Variants in FOXN3 observed in about 807,000 individuals in gnomAD.
The protein encoded by FOXN3 is forkhead box N3.
Under a neutral mutation model 38.4 loss-of-function variants are expected in FOXN3, and 7 were observed. The ratio of observed to expected loss-of-function variants is 0.18; its 90% CI spans 0.10 to 0.34. The LOEUF (loss-of-function observed/expected upper bound fraction) is 0.34. Among genes scored for constraint, FOXN3 ranks in the 10% least tolerant of loss-of-function variants. The pLI, the probability that FOXN3 is intolerant of heterozygous loss-of-function variation, is 1.00. For synonymous variants in FOXN3, 230 were observed against 242.2 expected, an observed-to-expected ratio of 0.95 and a Z score of 0.47; for missense variants, 456 against 613.4, an observed-to-expected ratio of 0.74 and a Z score of 2.71.
intron 2 of FOXN3, among the ~76,000 whole-genome samples, chr14:89,408,682 C>A (rs923078708): frequency 6.6e-6 from 1 of 151,484 alleles, no homozygotes; most frequent in Admixed American, 6.6e-5. Context: ...CAGGATTCCA[C>A]ATTTTCACTG....
chr14:89,298,473 A>T (rs1045725718), intron 3 of FOXN3, among the ~76,000 whole-genome samples: 2 of 54,960 alleles, frequency 3.6e-5, no homozygotes, highest in Non-Finnish European at 7.3e-5. Flanking sequence ...CCGTCTATTT[A>T]AAAAAAAAAA....
chr14:89,325,344 C>T (rs867432753), intron 3 of FOXN3, among the ~76,000 whole-genome samples: 3 of 140,746 alleles, frequency 2.1e-5, no homozygotes, highest in African/African-American at 8.9e-5. Context: ...CCACCACCAC[C>T]ACCACCACCA....
chr14:89,555,175 C>G (rs1232622588), intron 1 of FOXN3, among the ~76,000 whole-genome samples: 2 of 151,606 alleles, frequency 1.3e-5, no homozygotes, highest in Non-Finnish European at 2.9e-5. Flanking sequence ...ACTTAACATA[C>G]CTCAGAGATC....
At chr14:89,546,329 CTTTTTTTTTTT>C (rs1157998619) in intron 1 of FOXN3, among the ~76,000 whole-genome samples, 3 of 78,314 alleles carry the variant, frequency 3.8e-5, no homozygotes, top group African/African-American at 1.6e-4. Flanking sequence ...TTTCCTTTTT[CTTTTTTTTTTT>C]TTTTTTTTGA....
rs936956693 is a variant in FOXN3, at chr14:89,163,864, T to A, written c.852-895A>T. On this transcript the variant is annotated intron_variant, in intron 5 of 5. Coordinates refer to ENST00000557258, the MANE Select transcript of FOXN3 (RefSeq NM_005197.4). The surrounding 1 kb of genome is among the most constrained non-coding windows in gnomAD (Gnocchi z 4.3). ...CAAAGTCTGACTCTCAGACTTGAGG[T>A]CTTAGCTACATCACCAGACCGACCC... 3.9e-5 allele frequency among the ~76,000 whole-genome samples: 6 copies of A among 152,170 alleles called. No individual in the cohort carries two copies. The highest frequency in any genetic ancestry group is 1.2e-4 in the African/African-American group (5 of 41,432).
intron 1 of FOXN3, among the ~76,000 whole-genome samples, chr14:89,588,306 A>G (rs1244197627): frequency 6.6e-6 from 1 of 152,122 alleles, no homozygotes; most frequent in Non-Finnish European, 1.5e-5. Flanking sequence ...CAGAACCGTG[A>G]GCCAATTAAA....
In FOXN3 at chr14:89,387,198, G is replaced by C. The variant is rs572263359; in HGVS notation, c.543+24736C>G. Among the ~76,000 whole-genome samples the C allele has an allele frequency of 4.6e-5, 7 of 152,344 alleles. No homozygotes were observed. The East Asian group carries it at 1.4e-3, about 29-fold the overall frequency. Reference sequence around the variant, plus strand: ...TTGAACCCAGAAGGCGAAGGTTGCAGTAAGCCGAGATCGTGCCACTGCACT... The same window carrying C: ...TTGAACCCAGAAGGCGAAGGTTGCACTAAGCCGAGATCGTGCCACTGCACT... On this transcript the variant is annotated intron_variant, in intron 2 of 5. Transcript: ENST00000557258.
In FOXN3 at chr14:89,487,981, C is replaced by T. The variant is rs542099524; in HGVS notation, c.-14-75491G>A. Among the ~76,000 whole-genome samples, 8 of 152,006 alleles carry T rather than the reference C, an allele frequency of 5.3e-5. No homozygotes were observed. In the East Asian group the frequency reaches 5.8e-4, roughly 11 times the overall value. On this transcript the variant is annotated intron_variant, in intron 1 of 6. Coordinates refer to the FOXN3 transcript ENST00000345097. ...GAGGTTGGAAAGCGTGAGGGCTATT[C>T]GGGGGCACGGGGTAACCAGGTCTGG...
intron 1 of FOXN3, among the ~76,000 whole-genome samples, chr14:89,416,094 T>TGG (rs975514635): frequency 2.6e-5 from 4 of 152,170 alleles, no homozygotes; most frequent in Non-Finnish European, 5.9e-5. Context: ...GTAGCGAGTT[T>TGG]GGGGGGCCGG....
intron 3 of FOXN3, among the ~76,000 whole-genome samples, chr14:89,294,025 G>C (rs1596161130): frequency 6.6e-6 from 1 of 152,142 alleles, no homozygotes; most frequent in Non-Finnish European, 1.5e-5. Context: ...CAAAATTCTG[G>C]AGGCTCTGAC....
At chr14:89,241,452 T>C (rs1344649987) in intron 4 of FOXN3, among the ~76,000 whole-genome samples, 2 of 152,154 alleles carry the variant, frequency 1.3e-5, no homozygotes, top group African/African-American at 4.8e-5. Flanking sequence ...CAGACACACG[T>C]GGGTTCTGCA....
chr14:89,375,400 GA>G (rs996944294), intron 2 of FOXN3, among the ~76,000 whole-genome samples: 2 of 151,574 alleles, frequency 1.3e-5, no homozygotes, highest in African/African-American at 2.4e-5. Context: ...AACCTCACCA[GA>G]AAAAAAACTC....
At chr14:89,366,285 A>G (rs191782488) in intron 2 of FOXN3, among the ~76,000 whole-genome samples, 18 of 152,174 alleles carry the variant, frequency 1.2e-4, no homozygotes, top group Non-Finnish European at 2.4e-4. Context: ...TTTATTATAG[A>G]AAAAAACATG....
chr14:89,325,354 A>T (rs1256623399), intron 3 of FOXN3, among the ~76,000 whole-genome samples: 2 of 125,628 alleles, frequency 1.6e-5, no homozygotes, highest in Admixed American at 8.0e-5. Context: ...CACCACCACC[A>T]CCACCACTAC....
At chr14:89,257,605 T>C (rs1464241487) in intron 4 of FOXN3, among the ~76,000 whole-genome samples, 1 of 152,230 alleles carries the variant, frequency 6.6e-6, no homozygotes, top group Middle Eastern at 3.4e-3. Flanking sequence ...TTATGTTTAG[T>C]TGGGCATAGT....
At chr14:89,353,703 A>G (rs958996434) in intron 2 of FOXN3, 1 of 152,078 alleles carries the variant, frequency 6.6e-6, no homozygotes, top group African/African-American at 2.4e-5. Flanking sequence ...TTAATTCCAT[A>G]CTTGGTCAGT....
At chr14:89,555,884 G>GGGGGGGT (rs1895112741) in intron 1 of FOXN3, among the ~76,000 whole-genome samples, 2 of 90,186 alleles carry the variant, frequency 2.2e-5, no homozygotes, top group Non-Finnish European at 5.0e-5. Flanking sequence ...TGTATGTGGG[G>GGGGGGGT]GTGTATGTGG....
chr14:89,197,894 G>A (rs902631247), intron 4 of FOXN3, among the ~76,000 whole-genome samples: 1 of 152,246 alleles, frequency 6.6e-6, no homozygotes, highest in African/African-American at 2.4e-5. Context: ...GAAGACAAGT[G>A]CTGCCAGATC....
chr14:89,467,978 T>C (rs953103921), intron 1 of FOXN3, among the ~76,000 whole-genome samples: 1 of 151,612 alleles, frequency 6.6e-6, no homozygotes, highest in Non-Finnish European at 1.5e-5. Context: ...CCCCCAGTCC[T>C]TCCTACTTTT....
Sources: allele counts gnomAD v4.1 joint callset (sites outside exome capture counted in the v4.1 genomes callset), GRCh38; gene constraint gnomAD v4.1.1; non-coding constraint Gnocchi (gnomAD v3.1); transcripts MANE v1.5; gene names NCBI Gene and HGNC (gene_info 2026-07-23, HGNC 2026-07-21).